Variants in RAB11FIP3 observed in about 807,000 individuals in gnomAD.
RAB11FIP3 encodes RAB11 family interacting protein 3.
In RAB11FIP3, 17 loss-of-function variants were observed where a neutral mutation model predicts 77.8. The ratio of observed to expected loss-of-function variants is 0.22; its 90% confidence interval spans 0.15 to 0.33. The LOEUF is 0.33. Ranked by LOEUF, RAB11FIP3 falls within the 10% of genes least tolerant of loss-of-function variation. The pLI is 1.00. For missense variants in RAB11FIP3, 1,005 were observed against 1,011.2 expected, an observed-to-expected ratio of 0.99 and a Z score of 0.08; for synonymous variants, 437 against 448.2, an observed-to-expected ratio of 0.98 and a Z score of 0.31.
At chr16:465,118 A>C (rs1187320098) in intron 2 of RAB11FIP3, among the ~76,000 whole-genome samples, 1 of 152,108 alleles carries the variant, frequency 6.6e-6, no homozygotes, top group Non-Finnish European at 1.5e-5. Context: ...AGTCGCAGGG[A>C]GGAGAAAAGC....
chr16:447,768 A>G (rs1168548557), intron 1 of RAB11FIP3, among the ~76,000 whole-genome samples: 35 of 152,168 alleles, frequency 2.3e-4, no homozygotes, highest in Non-Finnish European at 1.5e-5. Flanking sequence ...AAACGTATAA[A>G]TTATACCTGT....
chr16:500,480 A>C (rs2031436089), intron 6 of RAB11FIP3, among the ~76,000 whole-genome samples: 1 of 152,036 alleles, frequency 6.6e-6, no homozygotes, highest in Non-Finnish European at 1.5e-5. Context: ...CAGGAGTTTG[A>C]GACCAGCCTG....
chr16:491,180 G>T (rs1202715254), intron 5 of RAB11FIP3: 2 of 1,304,314 alleles, frequency 1.5e-6, no homozygotes, highest in African/African-American at 1.5e-5. Flanking sequence ...CACTGATGAG[G>T]CGTTTGAGTT....
chr16:469,426 A>T (rs1487802246), intron 2 of RAB11FIP3, among the ~76,000 whole-genome samples: 4 of 150,442 alleles, frequency 2.7e-5, no homozygotes, highest in Non-Finnish European at 3.0e-5. Context: ...ACAGGGACTC[A>T]CTTTGTCACC....
rs538676542 is a variant in RAB11FIP3 at position 426,732 on chromosome 16, CCCGGG to C, written c.714+18_714+22del. The C allele has an allele frequency of 3.8e-4, 559 of 1,471,448 alleles. 2 individuals are homozygous for C. The African/African-American group carries it at 7.8e-3, about 21-fold the overall frequency. 91.1% of individuals were successfully genotyped at this position (1,471,448 alleles called of 1,614,324 possible). On this transcript the variant is annotated intron_variant, in intron 1 of 13. Coordinates refer to ENST00000262305, the MANE Select transcript of RAB11FIP3 (RefSeq NM_014700.4). The surrounding 1 kb of genome is among the most constrained non-coding windows in gnomAD (Gnocchi z 5.0). ...ACGGGGCAGAGCAGGTACGGAGCGG[CCCGGG>C]CCGGGGCGTGGGAACTGGGCAGGTG...
intron 1 of RAB11FIP3, among the ~76,000 whole-genome samples, chr16:432,458 C>T (rs2055052912): frequency 6.6e-6 from 1 of 151,976 alleles, no homozygotes. Context: ...GTAATCCCCC[C>T]ATCCATTAAT....
intron 4 of RAB11FIP3, 108 bp downstream of exon 4, chr16:482,844 C>A: frequency 8.3e-7 from 1 of 1,210,832 alleles, no homozygotes; most frequent in Non-Finnish European, 1.1e-6. Flanking sequence ...TGGTTAGCAT[C>A]CATTATGTGG....
At chr16:443,898 T>G (rs2055268988) in intron 1 of RAB11FIP3, among the ~76,000 whole-genome samples, 1 of 152,202 alleles carries the variant, frequency 6.6e-6, no homozygotes, top group Admixed American at 6.6e-5. Context: ...TAAGAAAATA[T>G]TTTCCGTCAC....
chr16:493,695 C>T (rs1283704484), intron 5 of RAB11FIP3, among the ~76,000 whole-genome samples: 5 of 152,098 alleles, frequency 3.3e-5, no homozygotes, highest in Admixed American at 1.3e-4. Context: ...CAACCTCTGC[C>T]TCCCGGGTTC....
At chr16:519,074 C>CCACAGGCAGGGCA in intron 10 of RAB11FIP3, 50 bp downstream of exon 10, 3 of 1,580,390 alleles carry the variant, frequency 1.9e-6, no homozygotes, top group Non-Finnish European at 2.6e-6. Context: ...AGCCCATGCC[C>CCACAGGCAGGGCA]TGCCTGTGGG....
chr16:460,556 G>C (rs2055588507), intron 1 of RAB11FIP3, among the ~76,000 whole-genome samples: 1 of 147,534 alleles, frequency 6.8e-6, no homozygotes, highest in Non-Finnish European at 1.5e-5. Context: ...GTTTCATTTT[G>C]TGTTACGTCC....
intron 2 of RAB11FIP3, among the ~76,000 whole-genome samples, chr16:462,276 C>T (rs2055620150): frequency 6.6e-6 from 1 of 152,194 alleles, no homozygotes; most frequent in Non-Finnish European, 1.5e-5. Flanking sequence ...GGCTGGAGTG[C>T]AATGGCCCGA....
chr16:488,954 T>C lies in RAB11FIP3; in HGVS notation c.1219T>C (p.Cys407Arg). 6.2e-7 allele frequency: 1 copy of C among 1,614,070 alleles called. No homozygotes were observed. The highest frequency in any genetic ancestry group is 8.5e-7 in the Non-Finnish European group (1 of 1,180,018). Residue 407 changes from cysteine (C) to arginine (R), a missense_variant, in exon 5 of 14, where the codon TGC (cysteine) becomes CGC (arginine). By Grantham distance (180) the Cys-to-Arg change is radical. Coordinates refer to ENST00000262305, the MANE Select transcript of RAB11FIP3 (RefSeq NM_014700.4). ...SEAELSPETL[C>R]NGQLGCSDPA... ...GGCGGAGCTGTCCCCAGAGACCCTA[T>C]GCAACGGGCAGCTGGGCTGCAGTGA...
chr16:475,413 G>T (rs750677901), intron 3 of RAB11FIP3, among the ~76,000 whole-genome samples: 20 of 152,222 alleles, frequency 1.3e-4, no homozygotes, highest in Admixed American at 3.3e-4. Flanking sequence ...CCAGGTCCTG[G>T]CTGGCTGGCA....
intron 4 of RAB11FIP3, 22 bp from the exon 5 acceptor site, chr16:488,829 T>C: frequency 2.5e-6 from 4 of 1,609,566 alleles, no homozygotes; most frequent in Non-Finnish European, 2.5e-6. Context: ...TCAGAAGACA[T>C]CATTTCTGTT....
chr16:431,932 T>C (rs2055044103), intron 1 of RAB11FIP3, among the ~76,000 whole-genome samples: 1 of 152,010 alleles, frequency 6.6e-6, no homozygotes, highest in Non-Finnish European at 1.5e-5. Context: ...AATTTTTTTG[T>C]ATTTTTATTA....
At chr16:518,068 T>G (rs911470775) in intron 9 of RAB11FIP3, among the ~76,000 whole-genome samples, 4 of 151,834 alleles carry the variant, frequency 2.6e-5, no homozygotes, top group African/African-American at 9.7e-5. Flanking sequence ...GGCAACAGAG[T>G]GAGACTGTCT....
At chr16:455,455 CA>C (rs1567366370) in intron 1 of RAB11FIP3, among the ~76,000 whole-genome samples, 1 of 146,970 alleles carries the variant, frequency 6.8e-6, no homozygotes, top group East Asian at 2.0e-4. Flanking sequence ...GCCTGGGTAA[CA>C]GAGGCGACTC....
At position 491,341 on chromosome 16, in the gene RAB11FIP3, G is replaced by T. The variant is rs1222766498; in HGVS notation, c.1265+2341G>T. The T allele has an allele frequency of 3.2e-6, 4 of 1,266,254 alleles. No homozygotes were observed. In the East Asian group the frequency reaches 2.3e-4, roughly 74 times the overall value. The allele number at this position is 1,266,254 out of a possible 1,614,324, so 78.4% of individuals were successfully genotyped here. Reference sequence around the variant, plus strand: ...GACTCCGGATACCCACAGCCCCCTTGAGGGCCTGCCCCGAGGCGACCAGGA... The same window carrying T: ...GACTCCGGATACCCACAGCCCCCTTTAGGGCCTGCCCCGAGGCGACCAGGA... On this transcript the variant is annotated intron_variant, in intron 5 of 13. Transcript: ENST00000262305.
Sources: gnomAD v4.1 joint callset for allele counts (sites outside exome capture counted in the v4.1 genomes callset) on GRCh38, gnomAD v4.1.1 for gene constraint, Gnocchi (gnomAD v3.1) non-coding constraint, MANE v1.5 for transcripts, NCBI Gene and HGNC (gene_info 2026-07-23, HGNC 2026-07-21) for gene names.